KAZN: variants seen among roughly 807,000 people sequenced by gnomAD.
KAZN encodes kazrin.
Under a neutral mutation model 87.4 loss-of-function variants are expected in KAZN, and 40 were observed. The observed-to-expected ratio is 0.46, with a 90% confidence interval of 0.36 to 0.60. KAZN has a LOEUF of 0.60. Ranked by LOEUF, KAZN falls within the 20% of genes least tolerant of loss-of-function variation. The pLI is 0.00. For missense variants in KAZN, 898 were observed against 1,073.9 expected (o/e 0.84, Z 2.29); for synonymous variants, 466 against 458.3 (o/e 1.02, Z -0.22).
At chr1:14,303,595 A>G (rs1235316423) in intron 2 of KAZN, among the ~76,000 whole-genome samples, 1 of 152,114 alleles carries the variant, frequency 6.6e-6, no homozygotes, top group East Asian at 1.9e-4. Flanking sequence ...ATACACAACA[A>G]AGTATGAACC....
chr1:14,696,413 C>T lies in KAZN; in HGVS notation c.226+97190C>T, dbSNP rs1433589733. The stretch of plus-strand genomic sequence containing the variant: ...CCAGTGAGGAGGTGGGAAACTGTAT[C>T]GTTAAGTGGTTAATGCTGCTGAGTG... On this transcript the variant is annotated intron_variant, in intron 1 of 14. Transcript: ENST00000376030. Among the ~76,000 whole-genome samples the T allele has an allele frequency of 3.3e-5, 5 of 152,098 alleles. No individual in the cohort carries two copies. The South Asian group carries it at 1.0e-3, about 32-fold the overall frequency.
At chr1:14,427,674 A>T (rs117459751) in intron 2 of KAZN, among the ~76,000 whole-genome samples, 8 of 152,306 alleles carry the variant, frequency 5.3e-5, no homozygotes, top group African/African-American at 1.9e-4. Context: ...TCCATATAGA[A>T]TATAGGGTCA....
intron 1 of KAZN, among the ~76,000 whole-genome samples, chr1:14,641,607 G>C (rs569196334): frequency 1.4e-4 from 22 of 152,292 alleles, no homozygotes; most frequent in African/African-American, 5.1e-4. Flanking sequence ...GAAGAGACTA[G>C]AAGAAGCAGC....
At chr1:13,944,632 G>A (rs1211070780) in intron 1 of KAZN, among the ~76,000 whole-genome samples, 1 of 152,164 alleles carries the variant, frequency 6.6e-6, no homozygotes, top group Non-Finnish European at 1.5e-5. Flanking sequence ...TGCCTTGAAT[G>A]GCCGCAAAGC....
intron 1 of KAZN, among the ~76,000 whole-genome samples, chr1:14,739,969 T>C (rs995246000): frequency 1.3e-5 from 2 of 152,056 alleles, no homozygotes; most frequent in African/African-American, 4.8e-5. Flanking sequence ...TTGGCTCTGG[T>C]TTATTGGGGC....
At position 13,995,219 on chromosome 1, in the gene KAZN, C is replaced by CAAAAAAAAAAAAAAAA. The variant is rs113600200; in HGVS notation, c.91+101464_91+101479dup. ...GGAAGTCTTAGACAGTGCAATAAGG[C>CAAAAAAAAAAAAAAAA]AAAAAAAAAAAAAAAATCCTAATGA... is the stretch of plus-strand genomic sequence containing the variant. On this transcript the variant is annotated intron_variant, in intron 1 of 16. Transcript: ENST00000636203. Among the ~76,000 whole-genome samples, 69 of 107,322 alleles carry CAAAAAAAAAAAAAAAA rather than the reference C, an allele frequency of 6.4e-4. 1 individual carries two copies. The highest frequency in any genetic ancestry group is 1.8e-3 in the South Asian group (5 of 2,854). The allele number at this position is 107,322 out of a possible 152,430, so 70.4% of individuals were successfully genotyped here.
intron 2 of KAZN, among the ~76,000 whole-genome samples, chr1:14,220,988 A>G (rs1340176873): frequency 1.3e-5 from 2 of 152,188 alleles, no homozygotes; most frequent in African/African-American, 2.4e-5. Flanking sequence ...TCCCACAAGC[A>G]TTACTGAAAG....
chr1:14,430,683 T>A (rs1571627279), intron 2 of KAZN, among the ~76,000 whole-genome samples: 2 of 152,326 alleles, frequency 1.3e-5, no homozygotes, highest in East Asian at 3.9e-4. Context: ...CATGTTCCCT[T>A]GACGGTGGTG....
At chr1:14,764,394 C>CCA (rs1553127296) in intron 1 of KAZN, among the ~76,000 whole-genome samples, 1 of 147,994 alleles carries the variant, frequency 6.8e-6, no homozygotes, top group South Asian at 2.2e-4. Flanking sequence ...ACACCCCCCC[C>CCA]ACAATGTGGG....
intron 2 of KAZN, among the ~76,000 whole-genome samples, chr1:14,242,275 G>A (rs865838209): frequency 3.3e-5 from 5 of 152,254 alleles, no homozygotes; most frequent in Middle Eastern, 3.4e-3. Flanking sequence ...TACCGGTTGC[G>A]AAAGATTATA....
At chr1:15,039,601 T>C (rs933727016) in intron 3 of KAZN, among the ~76,000 whole-genome samples, 1 of 152,328 alleles carries the variant, frequency 6.6e-6, no homozygotes, top group Admixed American at 6.5e-5. Context: ...TTAAAATTAT[T>C]TGGGCAAAAA....
chr1:14,305,120 G>A (rs988984771), intron 2 of KAZN, among the ~76,000 whole-genome samples: 6 of 152,014 alleles, frequency 3.9e-5, no homozygotes, highest in African/African-American at 1.2e-4. Flanking sequence ...CATCAGCTAC[G>A]GTTTTGTAAC....
intron 1 of KAZN, among the ~76,000 whole-genome samples, chr1:14,854,905 C>G (rs997459456): frequency 6.6e-6 from 1 of 152,098 alleles, no homozygotes; most frequent in Admixed American, 6.5e-5. Context: ...TGTTTCTGAG[C>G]TTGTTAGGGT....
intron 2 of KAZN, among the ~76,000 whole-genome samples, chr1:14,202,674 A>G (rs548555411): frequency 8.4e-4 from 128 of 152,302 alleles, no homozygotes; most frequent in Admixed American, 3.0e-3. Context: ...GGAGGCAGCT[A>G]GTATTCCAAA....
At chr1:14,646,133 G>A (rs1221179180) in intron 1 of KAZN, among the ~76,000 whole-genome samples, 1 of 152,170 alleles carries the variant, frequency 6.6e-6, no homozygotes, top group Non-Finnish European at 1.5e-5. Context: ...GACAGTCCAG[G>A]GAGTGCTTTG....
At chr1:14,629,496 C>A (rs1045107752) in intron 1 of KAZN, among the ~76,000 whole-genome samples, 2 of 152,328 alleles carry the variant, frequency 1.3e-5, no homozygotes, top group Admixed American at 6.5e-5. Context: ...AGGCTGCGAG[C>A]ACCCCAGCAC....
intron 1 of KAZN, among the ~76,000 whole-genome samples, chr1:14,861,897 G>C (rs779591072): frequency 3.3e-5 from 5 of 152,208 alleles, no homozygotes; most frequent in Non-Finnish European, 5.9e-5. Context: ...CAGAGGGAGG[G>C]GAGCCAAGTA....
intron 1 of KAZN, among the ~76,000 whole-genome samples, chr1:13,933,298 G>C (rs1640598938): frequency 6.6e-6 from 1 of 152,032 alleles, no homozygotes; most frequent in Non-Finnish European, 1.5e-5. Context: ...TTCGAGACCA[G>C]ACTGACTAAC....
intron 1 of KAZN, among the ~76,000 whole-genome samples, chr1:14,173,558 C>T (rs948023351): frequency 9.8e-5 from 15 of 152,290 alleles, no homozygotes; most frequent in African/African-American, 2.6e-4. Flanking sequence ...CAGGACTATC[C>T]GCCGGAACTA....
Sources: allele counts gnomAD v4.1 joint callset (sites outside exome capture counted in the v4.1 genomes callset), GRCh38; gene constraint gnomAD v4.1.1; transcripts MANE v1.5; gene names NCBI Gene and HGNC (gene_info 2026-07-23, HGNC 2026-07-21).